The following APBB2 variants were observed in gnomAD, a reference collection of about 807,000 sequenced individuals.
The protein encoded by APBB2 is amyloid beta precursor protein binding family B member 2, also known as Fe65-like 1.
Under a neutral mutation model 82.5 loss-of-function variants are expected in APBB2, and 38 were observed. That is an observed-to-expected ratio of 0.46 (90% CI 0.36 to 0.60). APBB2 has a LOEUF of 0.60. APBB2 is among the 20% of genes least tolerant of loss of function. The pLI is 0.00. For synonymous variants in APBB2, 341 were observed against 368.2 expected, an observed-to-expected ratio of 0.93 and a Z score of 0.85; for missense variants, 772 against 972.3, an observed-to-expected ratio of 0.79 and a Z score of 2.74.
chr4:40,882,837 G>A (rs1206647199), intron 12 of APBB2, among the ~76,000 whole-genome samples: 7 of 152,216 alleles, frequency 4.6e-5, no homozygotes, highest in East Asian at 3.8e-4. Flanking sequence ...GCGTCGGAAC[G>A]TTAGCTGTTA....
chr4:41,126,478 A>T lies in APBB2; in HGVS notation c.-261+16509T>A, dbSNP rs998602756. Among the ~76,000 whole-genome samples, 3 of 152,208 alleles carry T rather than the reference A, an allele frequency of 2.0e-5. No individual in the cohort carries two copies. In the South Asian group the frequency reaches 6.2e-4, roughly 32 times the overall value. ...GCAGTTACCTGGCGACCCTGTGAGC[A>T]TTCAAACAGAAACATCCATCTTGGG... is the stretch of plus-strand genomic sequence containing the variant. On this transcript the variant is annotated intron_variant, in intron 2 of 17. Coordinates refer to ENST00000508593, the MANE Select transcript of APBB2 (RefSeq NM_004307.2).
chr4:41,173,951 C>T (rs1769050187), intron 1 of APBB2, among the ~76,000 whole-genome samples: 1 of 152,054 alleles, frequency 6.6e-6, no homozygotes, highest in South Asian at 2.1e-4. Flanking sequence ...TGGAGAAGAA[C>T]ATGATTACTT....
At chr4:40,871,558 A>T (rs1765526257) in intron 12 of APBB2, among the ~76,000 whole-genome samples, 1 of 152,240 alleles carries the variant, frequency 6.6e-6, no homozygotes, top group African/African-American at 2.4e-5. Context: ...CCATTAATTT[A>T]GAATTCATGG....
chr4:40,923,243 G>A (rs865923073), intron 10 of APBB2, among the ~76,000 whole-genome samples: 4 of 152,222 alleles, frequency 2.6e-5, no homozygotes, highest in Admixed American at 1.3e-4. Context: ...CCAAAGTGCT[G>A]GGATTACAGG....
intron 5 of APBB2, among the ~76,000 whole-genome samples, chr4:41,025,774 C>G (rs1196818120): frequency 6.7e-6 from 1 of 148,284 alleles, no homozygotes; most frequent in African/African-American, 2.5e-5. Context: ...CAAAAACTAG[C>G]TGGGTGTGGT....
rs560669311 is a variant in APBB2, at chr4:40,846,385, G to A, written c.1530-15808C>T. ...CACAATTTTATACACAATTTTGGAAGGGGGCAGAGCTGGAACAGTTCAGTG... is the reference window on the plus strand; with the variant it reads ...CACAATTTTATACACAATTTTGGAAAGGGGCAGAGCTGGAACAGTTCAGTG... On this transcript the variant is annotated intron_variant, in intron 12 of 17. Coordinates refer to ENST00000508593, the MANE Select transcript of APBB2 (RefSeq NM_004307.2). 2.7e-5 allele frequency among the ~76,000 whole-genome samples: 4 copies of A among 149,728 alleles called. No individual in the cohort carries two copies. In the South Asian group the frequency reaches 8.4e-4, roughly 31 times the overall value.
At chr4:40,960,789 C>A in intron 6 of APBB2, among the ~76,000 whole-genome samples, 1 of 152,030 alleles carries the variant, frequency 6.6e-6, no homozygotes, top group African/African-American at 2.4e-5. Context: ...CAGTGTTCAT[C>A]AACAGCCAGT....
intron 4 of APBB2, among the ~76,000 whole-genome samples, chr4:41,049,880 G>A (rs1725305718): frequency 6.6e-6 from 1 of 152,090 alleles, no homozygotes; most frequent in Admixed American, 6.5e-5. Flanking sequence ...GATTAAGGGT[G>A]GTGCAAGATG....
intron 10 of APBB2, among the ~76,000 whole-genome samples, chr4:40,897,943 C>CA (rs574099180): frequency 6.9e-4 from 105 of 151,310 alleles, no homozygotes; most frequent in South Asian, 2.9e-3. Flanking sequence ...AAAAAGTTAA[C>CA]AAAAAAAAAT....
chr4:40,953,131 C>G (rs931275277), intron 6 of APBB2, among the ~76,000 whole-genome samples: 32 of 151,764 alleles, frequency 2.1e-4, no homozygotes, highest in Non-Finnish European at 3.4e-4. Flanking sequence ...CCCATCTCTA[C>G]TAAAAATACA....
At chr4:40,931,921 C>T (rs951780213) in intron 10 of APBB2, among the ~76,000 whole-genome samples, 1 of 151,970 alleles carries the variant, frequency 6.6e-6, no homozygotes, top group Admixed American at 6.6e-5. Context: ...CTAAGCACAG[C>T]TTTAGGAACG....
chr4:40,950,317 G>A (rs1232802294), intron 6 of APBB2, among the ~76,000 whole-genome samples: 1 of 152,170 alleles, frequency 6.6e-6, no homozygotes, highest in Admixed American at 6.5e-5. Flanking sequence ...TCTACTCTAT[G>A]ACCCAACAAT....
chr4:41,126,258 C>T (rs1754371610), intron 2 of APBB2, among the ~76,000 whole-genome samples: 2 of 151,748 alleles, frequency 1.3e-5, no homozygotes, highest in African/African-American at 2.4e-5. Context: ...GTGGTGCATG[C>T]CTGTGGTCCC....
intron 6 of APBB2, among the ~76,000 whole-genome samples, chr4:40,997,686 G>A (rs1804012749): frequency 6.6e-6 from 1 of 152,136 alleles, no homozygotes. Context: ...TTTTCACTGT[G>A]TTGACATTTA....
rs1577684637 is a variant in APBB2, at chr4:40,822,480, A to G, written c.1933-430T>C. 1.9e-5 allele frequency: 3 copies of G among 157,826 alleles called. No individual in the cohort carries two copies. The South Asian group carries it at 5.9e-4, about 31-fold the overall frequency. The allele number at this position is 157,826 out of a possible 1,614,324, so 9.8% of individuals were successfully genotyped here. On this transcript the variant is annotated intron_variant, in intron 16 of 17. Coordinates refer to ENST00000508593, the MANE Select transcript of APBB2 (RefSeq NM_004307.2). The stretch of plus-strand genomic sequence containing the variant: ...TCGTCCAGTGATTCTTACCCAAACT[A>G]AACAGCACACTGAATCACATTTCCA...
chr4:41,013,924 T>C lies in APBB2; in HGVS notation c.494A>G (p.Tyr165Cys), dbSNP rs200781749. 2.5e-6 allele frequency: 4 copies of C among 1,614,038 alleles called. No individual in the cohort carries two copies. The highest frequency in any genetic ancestry group is 2.2e-5 in the East Asian group (1 of 44,892). The change falls in exon 6 of 18, where the codon TAT becomes TGT. Residue 165 changes from tyrosine (Y) to cysteine (C), a missense_variant. Coordinates refer to ENST00000508593, the MANE Select transcript of APBB2 (RefSeq NM_004307.2). Reference sequence around the variant, plus strand: ...TCTGGCTGAGGTTTCCAGATCTGCATAGTAATTTAGGAAGCTCTTAGTTCT... The same window carrying C: ...TCTGGCTGAGGTTTCCAGATCTGCACAGTAATTTAGGAAGCTCTTAGTTCT... ...PRRTKSFLNY[Y>C]ADLETSAREL...
intron 4 of APBB2, among the ~76,000 whole-genome samples, chr4:41,037,402 TAA>T (rs1719652689): frequency 6.6e-6 from 1 of 152,256 alleles, no homozygotes; most frequent in Admixed American, 6.5e-5. Flanking sequence ...TTCACCTTTT[TAA>T]AAGTTTCTAC....
chr4:40,930,433 G>A (rs1357035878), intron 10 of APBB2, among the ~76,000 whole-genome samples: 1 of 41,242 alleles, frequency 2.4e-5, no homozygotes, highest in African/African-American at 6.1e-5. Context: ...GTGTGTGTGT[G>A]TGTGTGTGTG....
At position 40,814,467 on chromosome 4, in the gene APBB2, T is replaced by C. The variant is rs1379058238; in HGVS notation, c.*1625A>G. ...TCCTAGTCCTGGTTTTCATGAACTT[T>C]GGTGAGATCTTAGGCCAGTGGGTTT... On this transcript the variant is annotated 3_prime_UTR_variant, in exon 18 of 18. Coordinates refer to ENST00000508593, the MANE Select transcript of APBB2 (RefSeq NM_004307.2). The C allele has an allele frequency of 2.0e-5, 3 of 152,194 alleles. No homozygotes were observed. The highest frequency in any genetic ancestry group is 4.4e-5 in the Non-Finnish European group (3 of 68,028). The allele number at this position is 152,194 out of a possible 1,614,324, so 9.4% of individuals were successfully genotyped here.
Sources: allele counts gnomAD v4.1 joint callset (sites outside exome capture counted in the v4.1 genomes callset), GRCh38; gene constraint gnomAD v4.1.1; transcripts MANE v1.5; gene names NCBI Gene and HGNC (gene_info 2026-07-23, HGNC 2026-07-21).